Variants in GMDS observed in about 807,000 individuals in gnomAD.
The protein encoded by GMDS is GDP-mannose 4,6-dehydratase, also known as GDP-mannose 4,6 dehydratase.
Under a neutral mutation model 49.9 loss-of-function variants are expected in GMDS, and 20 were observed. The observed-to-expected ratio is 0.40, with a 90% CI of 0.28 to 0.58. The LOEUF (loss-of-function observed/expected upper bound fraction) is 0.58. Among genes scored for constraint, GMDS ranks in the 20% least tolerant of loss-of-function variants. The probability of loss-of-function intolerance (pLI) is 0.42; values close to 1 mark genes in which losing one functional copy is unlikely to be tolerated. For missense variants in GMDS, 362 were observed against 481.4 expected (o/e 0.75, Z 2.32); for synonymous variants, 177 against 178.6 (o/e 0.99, Z 0.07).
intron 7 of GMDS, among the ~76,000 whole-genome samples, chr6:1,798,332 C>T (rs985216953): frequency 2.0e-5 from 3 of 151,918 alleles, no homozygotes; most frequent in African/African-American, 7.2e-5. Flanking sequence ...TTGCAAGATG[C>T]AACTCCACAC....
chr6:2,244,590 C>T (rs1165855118), intron 1 of GMDS, among the ~76,000 whole-genome samples: 2 of 152,184 alleles, frequency 1.3e-5, no homozygotes, highest in Admixed American at 6.5e-5. Context: ...ACCAGCCATG[C>T]TTAGCCTGAG....
chr6:1,730,482 A>T (rs1204229205), intron 8 of GMDS, among the ~76,000 whole-genome samples: 2 of 152,168 alleles, frequency 1.3e-5, no homozygotes, highest in African/African-American at 2.4e-5. Context: ...AAATCTCCAT[A>T]GGCAGCAGTC....
chr6:1,868,810 C>G (rs1758571598), intron 7 of GMDS, among the ~76,000 whole-genome samples: 1 of 152,092 alleles, frequency 6.6e-6, no homozygotes, highest in Admixed American at 6.5e-5. Context: ...TCAAGTAGTT[C>G]TATAACTTAG....
At chr6:2,067,298 C>T (rs1030118653) in intron 4 of GMDS, among the ~76,000 whole-genome samples, 17 of 151,866 alleles carry the variant, frequency 1.1e-4, no homozygotes, top group Non-Finnish European at 2.1e-4. Flanking sequence ...ACTAAATGCC[C>T]ACAAGAGAAA....
chr6:1,841,432 C>A lies in GMDS; in HGVS notation c.771+88671G>T, dbSNP rs80128194. On this transcript the variant is annotated intron_variant, in intron 7 of 10. Transcript: ENST00000380815. ...CTGCAAAGTGAAACTTCTATCGAAC[C>A]TAACAAACTCACAAGCTGATAACCA... 6.1e-3 allele frequency among the ~76,000 whole-genome samples: 922 copies of A among 152,292 alleles called. 9 individuals are homozygous for A. Among genetic ancestry groups the A allele is most frequent in the African/African-American group, 0.021 (865 of 41,552 alleles).
At chr6:1,698,416 G>A (rs557111922) in intron 9 of GMDS, among the ~76,000 whole-genome samples, 2 of 152,276 alleles carry the variant, frequency 1.3e-5, no homozygotes, top group African/African-American at 2.4e-5. Flanking sequence ...CAGGTGTTTC[G>A]GGAAGAACAT....
At chr6:1,684,228 G>A (rs1301549593) in intron 9 of GMDS, among the ~76,000 whole-genome samples, 1 of 152,216 alleles carries the variant, frequency 6.6e-6, no homozygotes, top group Non-Finnish European at 1.5e-5. Context: ...ACACCAGGAT[G>A]TGGGGCGGCT....
In GMDS at chr6:1,900,384, C is replaced by T. The variant is rs957993625; in HGVS notation, c.771+29719G>A. Among the ~76,000 whole-genome samples the T allele has an allele frequency of 4.6e-5, 7 of 152,340 alleles. No homozygotes were observed. The East Asian group carries it at 9.6e-4, about 21-fold the overall frequency. On this transcript the variant is annotated intron_variant, in intron 7 of 10. Coordinates refer to ENST00000380815, the MANE Select transcript of GMDS (RefSeq NM_001500.4). Reference sequence around the variant, plus strand: ...TTTTAAAATGTCTGATATGCTAGCACATAACACACAAGCACCAATGAAATC... The same window carrying T: ...TTTTAAAATGTCTGATATGCTAGCATATAACACACAAGCACCAATGAAATC...
intron 4 of GMDS, among the ~76,000 whole-genome samples, chr6:1,975,511 A>G (rs1455631256): frequency 6.6e-6 from 1 of 152,204 alleles, no homozygotes; most frequent in Non-Finnish European, 1.5e-5. Flanking sequence ...CAAGCTGAAA[A>G]AGCAAAATAT....
At chr6:1,652,846 C>G (rs756491924) in intron 9 of GMDS, among the ~76,000 whole-genome samples, 1 of 137,026 alleles carries the variant, frequency 7.3e-6, no homozygotes, top group Non-Finnish European at 1.5e-5. Context: ...TGCTGTTTGT[C>G]CTGCTTCTGC....
chr6:2,196,332 A>G (rs1215282423), intron 1 of GMDS, among the ~76,000 whole-genome samples: 6 of 152,190 alleles, frequency 3.9e-5, no homozygotes. Context: ...ATTAGACTCT[A>G]CAAGTTTTAC....
intron 4 of GMDS, among the ~76,000 whole-genome samples, chr6:2,070,969 T>C (rs1306417125): frequency 6.6e-6 from 1 of 152,150 alleles, no homozygotes; most frequent in Non-Finnish European, 1.5e-5. Context: ...ATTTCCTCAC[T>C]CTTGTCTACC....
At chr6:1,771,351 A>G (rs550907832) in intron 7 of GMDS, among the ~76,000 whole-genome samples, 1 of 152,262 alleles carries the variant, frequency 6.6e-6, no homozygotes, top group Admixed American at 6.5e-5. Flanking sequence ...CCTCAGACAC[A>G]CTCTGGTTTG....
chr6:2,241,573 G>A (rs775625966), intron 1 of GMDS, among the ~76,000 whole-genome samples: 7 of 152,008 alleles, frequency 4.6e-5, no homozygotes, highest in Non-Finnish European at 8.8e-5. Context: ...TGAATGCTTG[G>A]TGCCATCCTC....
intron 7 of GMDS, among the ~76,000 whole-genome samples, chr6:1,825,118 A>G (rs1771051686): frequency 6.6e-6 from 1 of 152,204 alleles, no homozygotes; most frequent in South Asian, 2.1e-4. Context: ...AAATCGCATT[A>G]CGAAAGTCAG....
intron 4 of GMDS, among the ~76,000 whole-genome samples, chr6:2,086,694 T>C (rs1030496154): frequency 6.6e-6 from 1 of 152,246 alleles, no homozygotes; most frequent in Non-Finnish European, 1.5e-5. Flanking sequence ...ATCAGTTAAA[T>C]GTGTTTTATT....
At chr6:2,050,734 C>G (rs1054512387) in intron 4 of GMDS, among the ~76,000 whole-genome samples, 2 of 152,162 alleles carry the variant, frequency 1.3e-5, no homozygotes, top group African/African-American at 2.4e-5. Context: ...ATACGCAAAT[C>G]AATAAACGTA....
At chr6:1,685,653 C>G (rs921325511) in intron 9 of GMDS, among the ~76,000 whole-genome samples, 4 of 152,112 alleles carry the variant, frequency 2.6e-5, no homozygotes, top group Non-Finnish European at 4.4e-5. Flanking sequence ...CATCCTCCCC[C>G]ACCTGCAGTT....
intron 9 of GMDS, among the ~76,000 whole-genome samples, chr6:1,716,951 A>G (rs1195535141): frequency 3.3e-5 from 5 of 152,162 alleles, no homozygotes; most frequent in Non-Finnish European, 7.3e-5. Context: ...ACATTATGCA[A>G]TTTTAAATAG....
Sources: allele counts gnomAD v4.1 joint callset (sites outside exome capture counted in the v4.1 genomes callset), GRCh38; gene constraint gnomAD v4.1.1; transcripts MANE v1.5; gene names NCBI Gene and HGNC (gene_info 2026-07-23, HGNC 2026-07-21).